ZCCHC14: variants seen among roughly 807,000 people sequenced by gnomAD.
The protein encoded by ZCCHC14 is zinc finger CCHC domain-containing protein 14.
A neutral mutation model predicts 85.0 loss-of-function variants in ZCCHC14; 16 were observed. The ratio of observed to expected loss-of-function variants is 0.19; its 90% CI spans 0.13 to 0.29. ZCCHC14 has a LOEUF of 0.29. Among genes scored for constraint, ZCCHC14 ranks in the 10% least tolerant of loss-of-function variants. ZCCHC14 has a pLI of 1.00. For missense variants in ZCCHC14, 1,303 were observed against 1,443.5 expected (o/e 0.90, Z 1.58); for synonymous variants, 775 against 630.7 (o/e 1.23, Z -3.43).
Position 87,451,424 on chromosome 16 carries a change from C to G in ZCCHC14, c.694+8584G>C, listed in dbSNP as rs1431694126. On this transcript the variant is annotated intron_variant, in intron 2 of 12. Transcript: ENST00000671377. Reference sequence around the variant, plus strand: ...TGTTGATCAGACTGGTCTCAAACTCCTGACCTCAGGTGATCCACCCAACTC... The same window carrying G: ...TGTTGATCAGACTGGTCTCAAACTCGTGACCTCAGGTGATCCACCCAACTC... Among the ~76,000 whole-genome samples, 3 of 152,010 alleles carry G rather than the reference C, an allele frequency of 2.0e-5. No individual in the cohort carries two copies. In the South Asian group the frequency reaches 6.2e-4, roughly 32 times the overall value.
intron 2 of ZCCHC14, among the ~76,000 whole-genome samples, chr16:87,434,071 A>G (rs1323360491): frequency 6.6e-6 from 1 of 152,152 alleles, no homozygotes; most frequent in African/African-American, 2.4e-5. Flanking sequence ...CAGTGAATGA[A>G]GCTGCACGGG....
intron 1 of ZCCHC14, among the ~76,000 whole-genome samples, chr16:87,464,440 G>A (rs566233314): frequency 9.9e-5 from 15 of 152,196 alleles, no homozygotes; most frequent in Admixed American, 8.5e-4. Flanking sequence ...CCCATCATCC[G>A]GTCCAATCCC....
intron 2 of ZCCHC14, among the ~76,000 whole-genome samples, chr16:87,446,355 G>A (rs1202642830): frequency 3.3e-5 from 5 of 151,842 alleles, no homozygotes; most frequent in African/African-American, 4.8e-5. Flanking sequence ...GTGGTAGCAC[G>A]CACCTGTAAT....
At chr16:87,453,049 G>A (rs556806898) in intron 2 of ZCCHC14, among the ~76,000 whole-genome samples, 1 of 152,366 alleles carries the variant, frequency 6.6e-6, no homozygotes, top group Admixed American at 6.5e-5. Context: ...CAGCCTGGGA[G>A]GGGAGGCGAA....
intron 1 of ZCCHC14, among the ~76,000 whole-genome samples, chr16:87,477,151 A>AAAAAAAAAAAC (rs1912054945): frequency 4.2e-5 from 6 of 142,184 alleles, no homozygotes; most frequent in African/African-American, 1.8e-4. Flanking sequence ...ACAAAACAAA[A>AAAAAAAAAAAC]CCAAAAAAAA....
chr16:87,419,904 A>AAC, intron 5 of ZCCHC14, 27 bp from the exon 6 acceptor site: 3 of 1,567,744 alleles, frequency 1.9e-6, no homozygotes, highest in Non-Finnish European at 1.7e-6. Context: ...TGGTCTTATC[A>AAC]ACATTAAAAT....
chr16:87,490,559 G>A (rs1912707153), intron 1 of ZCCHC14, among the ~76,000 whole-genome samples: 1 of 152,184 alleles, frequency 6.6e-6, no homozygotes, highest in Non-Finnish European at 1.5e-5. Flanking sequence ...AGTTCACATC[G>A]CTAAGTGGAT....
chr16:87,418,086 T>G (rs912372275), intron 7 of ZCCHC14, among the ~76,000 whole-genome samples: 2 of 152,256 alleles, frequency 1.3e-5, no homozygotes, highest in African/African-American at 2.4e-5. Context: ...CCCACCAGAC[T>G]TCTGCTTTAG....
chr16:87,412,302 T>C lies in ZCCHC14; in HGVS notation c.2419A>G (p.Ile807Val), dbSNP rs1908502225. 2 of 1,613,810 alleles carry C rather than the reference T, an allele frequency of 1.2e-6. No homozygotes were observed. The highest frequency in any genetic ancestry group is 8.5e-7 in the Non-Finnish European group (1 of 1,180,028). Residue 807 changes from isoleucine (I) to valine (V), a missense_variant, in exon 12 of 13, where the codon ATA becomes GTA. Coordinates refer to ENST00000671377, the MANE Select transcript of ZCCHC14 (RefSeq NM_015144.3). The part of the protein sequence containing the change: ...NVQISVPPAI[I>V]NPRTALYTAN... ...GTGTACAGAGCAGTCCGGGGGTTTA[T>C]TATTGCAGGGGGCACACTTATTTGC...
chr16:87,492,744 AC>A lies in ZCCHC14; in HGVS notation c.-507del. ...CGCGCCTCCGCCCAGGCCGGCCGTT[AC>A]CCCGGGCCGCGGGCGCGGCGTCGCC... On this transcript the variant is annotated 5_prime_UTR_variant, in exon 1 of 13. Transcript: ENST00000671377. This position sits in a 1 kb window ranked among gnomAD's most constrained non-coding sequence, Gnocchi z 6.7. 6.9e-6 allele frequency: 1 copy of A among 144,652 alleles called. No individual in the cohort carries two copies. The highest frequency in any genetic ancestry group is 1.5e-5 in the Non-Finnish European group (1 of 65,352). The allele number at this position is 144,652 out of a possible 1,614,324, so 9.0% of individuals were successfully genotyped here.
At chr16:87,449,602 T>C (rs1910599747) in intron 2 of ZCCHC14, among the ~76,000 whole-genome samples, 1 of 152,152 alleles carries the variant, frequency 6.6e-6, no homozygotes, top group South Asian at 2.1e-4. Context: ...GCCAAATGTC[T>C]TTCTTTAATT....
rs776838916 is a variant in ZCCHC14, at chr16:87,411,482, G to A, written c.3205+34C>T. 5.8e-5 allele frequency: 94 copies of A among 1,608,434 alleles called. 1 individual carries two copies. The highest frequency in any genetic ancestry group is 9.9e-5 in the South Asian group (9 of 90,676). On this transcript the variant is annotated intron_variant, in intron 12 of 12. Transcript: ENST00000671377. The stretch of plus-strand genomic sequence containing the variant: ...GCATTTGTGTGCACTGGTCCTGCGG[G>A]AGCCTGGTGGGCGCGGCCATGGCGC...
At chr16:87,422,672 G>C (rs965018683) in intron 4 of ZCCHC14, among the ~76,000 whole-genome samples, 3 of 151,922 alleles carry the variant, frequency 2.0e-5, no homozygotes, top group Non-Finnish European at 4.4e-5. Context: ...GGAGGTGGAG[G>C]TTGCAGTGAG....
intron 3 of ZCCHC14, among the ~76,000 whole-genome samples, chr16:87,430,805 A>G (rs1289950459): frequency 1.3e-5 from 2 of 148,298 alleles, no homozygotes; most frequent in African/African-American, 4.9e-5. Flanking sequence ...TACAGGTGTG[A>G]GCCACTGTGC....
At chr16:87,461,548 A>G (rs1008585773) in intron 1 of ZCCHC14, among the ~76,000 whole-genome samples, 1 of 152,216 alleles carries the variant, frequency 6.6e-6, no homozygotes, top group Admixed American at 6.5e-5. Context: ...TCCAGCCTCC[A>G]CTTGTTCTTT....
intron 2 of ZCCHC14, among the ~76,000 whole-genome samples, chr16:87,444,936 G>C (rs1212052475): frequency 6.6e-6 from 1 of 152,182 alleles, no homozygotes; most frequent in African/African-American, 2.4e-5. Context: ...CTTATTGTTT[G>C]CAGAAAACAC....
chr16:87,418,079 A>G (rs1443174436), intron 7 of ZCCHC14, among the ~76,000 whole-genome samples: 3 of 152,162 alleles, frequency 2.0e-5, no homozygotes, highest in Admixed American at 6.5e-5. Flanking sequence ...CTCTGTCCCC[A>G]CCAGACTTCT....
rs540045916 is a variant in ZCCHC14 at position 87,457,497 on chromosome 16, GTTATGAAGA to G, written c.694+2502_694+2510del. 3.4e-4 allele frequency among the ~76,000 whole-genome samples: 52 copies of G among 152,340 alleles called. No homozygotes were observed. The South Asian group carries it at 0.01, about 30-fold the overall frequency. ...AGGTATAATCAGCCCTCAAAGGGCT[GTTATGAAGA>G]TGATGTAAGTCAGTATCTGTCATGT... On this transcript the variant is annotated intron_variant, in intron 2 of 12. Coordinates refer to ENST00000671377, the MANE Select transcript of ZCCHC14 (RefSeq NM_015144.3).
At chr16:87,431,696 C>T (rs183987340) in intron 3 of ZCCHC14, among the ~76,000 whole-genome samples, 370 of 152,276 alleles carry the variant, frequency 2.4e-3, no homozygotes, top group Admixed American at 6.3e-3. Flanking sequence ...CTTAAGTGCA[C>T]AGTCCCCACC....
Sources: gnomAD v4.1 joint callset for allele counts (sites outside exome capture counted in the v4.1 genomes callset) on GRCh38, gnomAD v4.1.1 for gene constraint, Gnocchi (gnomAD v3.1) non-coding constraint, MANE v1.5 for transcripts, NCBI Gene and HGNC (gene_info 2026-07-23, HGNC 2026-07-21) for gene names.